The following PWWP2A variants were observed in gnomAD, a reference collection of about 807,000 sequenced individuals.
PWWP2A encodes the protein PWWP domain-containing protein 2A.
Under a neutral mutation model 48.5 loss-of-function variants are expected in PWWP2A, and 18 were observed. The observed-to-expected ratio is 0.37, with a 90% CI of 0.26 to 0.55. PWWP2A has a LOEUF of 0.55. PWWP2A is among the 20% of genes least tolerant of loss of function. The pLI is 0.81. For synonymous variants in PWWP2A, 396 were observed against 387.7 expected (o/e 1.02, Z -0.25); for missense variants, 867 against 976.4 (o/e 0.89, Z 1.49).
chr5:160,118,794 G>C lies in PWWP2A; in HGVS notation c.584+11C>G. The C allele has an allele frequency of 6.9e-7, 1 of 1,439,812 alleles. No individual in the cohort carries two copies. Among genetic ancestry groups the C allele is most frequent in the Non-Finnish European group, 9.2e-7 (1 of 1,092,238 alleles). 89.2% of individuals were successfully genotyped at this position (1,439,812 alleles called of 1,614,324 possible). A position where few individuals can be genotyped will look rare whatever the true frequency, so the allele number is the denominator to read the frequency against. On this transcript the variant is annotated intron_variant, in intron 1 of 1. Transcript: ENST00000307063. The stretch of plus-strand genomic sequence containing the variant: ...CAGCGGACCGGAGGGTGCTGGGGGC[G>C]GGCGCGGTACCTTTTGGACAGATCC...
rs1397402030 is a variant in PWWP2A at position 160,092,075 on chromosome 5, T to C, written c.*307A>G. The C allele has an allele frequency of 1.9e-6, 2 of 1,058,906 alleles. No homozygotes were observed. Among genetic ancestry groups the C allele is most frequent in the African/African-American group, 1.7e-5 (1 of 59,314 alleles). The allele number at this position is 1,058,906 out of a possible 1,614,324, so 65.6% of individuals were successfully genotyped here. Reference sequence around the variant, plus strand: ...GTATATATACAGTATTAGGTACAAATGGCAATTAACAGTCCCTACAAAAAT... The same window carrying C: ...GTATATATACAGTATTAGGTACAAACGGCAATTAACAGTCCCTACAAAAAT... On this transcript the variant is annotated 3_prime_UTR_variant, in exon 2 of 2. Transcript: ENST00000307063.
chr5:160,080,826 T>A, intron 2 of PWWP2A: 1 of 1,450,008 alleles, frequency 6.9e-7, no homozygotes, highest in Non-Finnish European at 9.2e-7. Flanking sequence ...TTTTAATCCA[T>A]CCATTTTACC....
At chr5:160,052,809 G>A in the PWWP2A span, among the ~76,000 whole-genome samples, 1 of 151,998 alleles carries the variant, frequency 6.6e-6, no homozygotes, top group African/African-American at 2.4e-5. Flanking sequence ...CAAGGCTTTG[G>A]GTTTTTCTTA....
At chr5:160,109,496 G>A (rs994205362) in intron 1 of PWWP2A, among the ~76,000 whole-genome samples, 3 of 151,912 alleles carry the variant, frequency 2.0e-5, no homozygotes, top group Admixed American at 2.0e-4. Flanking sequence ...CAGAAGCCTG[G>A]GCTGAAGGCT....
At chr5:160,094,170 A>G (rs1363306540) in intron 1 of PWWP2A, 105 bp from the exon 2 acceptor site, 3 of 1,294,800 alleles carry the variant, frequency 2.3e-6, no homozygotes, top group Non-Finnish European at 2.0e-6. Flanking sequence ...ACCTTTCCCG[A>G]AAACTATTTC....
chr5:160,090,550 C>T (rs73311149), downstream of PWWP2A: 2,817 of 983,688 alleles, frequency 2.9e-3, 61 homozygotes, highest in African/African-American at 0.045. Flanking sequence ...AACATGTTTT[C>T]AAAATGTGTG....
Position 160,104,270 on chromosome 5 carries a change from C to T in PWWP2A, c.585-10205G>A, listed in dbSNP as rs575143957. ...CCTGGGCCACACAGGGAGACCCTGC[C>T]TCTACAAAAAATTAGCTGAGTGTAG... On this transcript the variant is annotated intron_variant, in intron 1 of 1. Coordinates refer to ENST00000307063, the MANE Select transcript of PWWP2A (RefSeq NM_001130864.2). Among the ~76,000 whole-genome samples the T allele has an allele frequency of 8.6e-5, 13 of 151,890 alleles. No individual in the cohort carries two copies. The South Asian group carries it at 2.7e-3, about 32-fold the overall frequency.
intron 1 of PWWP2A, among the ~76,000 whole-genome samples, chr5:160,101,656 AT>A (rs55790564): frequency 6.0e-5 from 9 of 149,366 alleles, no homozygotes; most frequent in Non-Finnish European, 3.0e-5. Flanking sequence ...ACATTTTGTT[AT>A]TTTTTTTTTT....
chr5:160,117,421 G>T (rs558056288), intron 1 of PWWP2A, among the ~76,000 whole-genome samples: 1 of 152,380 alleles, frequency 6.6e-6, no homozygotes, highest in African/African-American at 2.4e-5. Flanking sequence ...TTGGGAGGCT[G>T]AGGCGGGTGG....
At chr5:160,055,995 A>G in the PWWP2A span, among the ~76,000 whole-genome samples, 1 of 152,222 alleles carries the variant, frequency 6.6e-6, no homozygotes, top group Non-Finnish European at 1.5e-5. Flanking sequence ...TGCAGGGGAT[A>G]ACAAGCTTCC....
chr5:160,070,017 C>T (rs1753704641), intron 2 of PWWP2A, among the ~76,000 whole-genome samples: 1 of 152,222 alleles, frequency 6.6e-6, no homozygotes, highest in Non-Finnish European at 1.5e-5. Context: ...TTGGTTGGGG[C>T]CTCTGCAGGA....
chr5:160,051,291 C>A, the PWWP2A span: 4 of 825,054 alleles, frequency 4.8e-6, no homozygotes, highest in South Asian at 2.5e-5. Context: ...CGGACTCTAC[C>A]ACAAGGCTAC....
chr5:160,119,185 G>T lies in PWWP2A; in HGVS notation c.204C>A (p.Leu68=), dbSNP rs747676684. The T allele has an allele frequency of 2.0e-6, 3 of 1,481,014 alleles. No homozygotes were observed. Among genetic ancestry groups the T allele is most frequent in the Non-Finnish European group, 1.8e-6 (2 of 1,130,580 alleles). 91.7% of individuals were successfully genotyped at this position (1,481,014 alleles called of 1,614,324 possible). A position where few individuals can be genotyped will look rare whatever the true frequency, so the allele number is the denominator to read the frequency against. The change falls in exon 1 of 2, where the codon CTC becomes CTA. Residue 68 remains leucine, a synonymous_variant. Coordinates refer to ENST00000307063, the MANE Select transcript of PWWP2A (RefSeq NM_001130864.2). ...QSAPQADEPP[L]PPPPPPPGEL... Reference sequence around the variant, plus strand: ...CCCCCGGCGGCGGCGGTGGCGGCGGGAGCGGCGGCTCGTCGGCCTGAGGAG... The same window carrying T: ...CCCCCGGCGGCGGCGGTGGCGGCGGTAGCGGCGGCTCGTCGGCCTGAGGAG...
At chr5:160,094,863 C>T (rs375368825) in intron 1 of PWWP2A, among the ~76,000 whole-genome samples, 1 of 151,468 alleles carries the variant, frequency 6.6e-6, no homozygotes, top group Non-Finnish European at 1.5e-5. Flanking sequence ...CTGGCGAACA[C>T]GGTGAAACCC....
chr5:160,104,137 A>AAAAAAAAAG (rs1337660928), intron 1 of PWWP2A, among the ~76,000 whole-genome samples: 5 of 150,260 alleles, frequency 3.3e-5, no homozygotes, highest in African/African-American at 1.2e-4. Flanking sequence ...AAAAAAAAAA[A>AAAAAAAAAG]AAAGAAATGA....
intron 1 of PWWP2A, among the ~76,000 whole-genome samples, chr5:160,109,782 T>A (rs113581580): frequency 1.1e-4 from 9 of 78,808 alleles, no homozygotes; most frequent in Non-Finnish European, 2.0e-4. Flanking sequence ...AAAATATATA[T>A]ATATATATAT....
intron 1 of PWWP2A, among the ~76,000 whole-genome samples, chr5:160,095,047 CAAAAAAAAAAAAA>C (rs70987998): frequency 2.9e-4 from 9 of 30,882 alleles, no homozygotes; most frequent in East Asian, 2.3e-3. Flanking sequence ...GACTCTGTCT[CAAAAAAAAAAAAA>C]AAAAAAAAAA....
chr5:160,088,545 C>T (rs1754823773), downstream of PWWP2A, among the ~76,000 whole-genome samples: 1 of 152,118 alleles, frequency 6.6e-6, no homozygotes, highest in South Asian at 2.1e-4. Context: ...CTACCGTGCC[C>T]AGCCATATCC....
the PWWP2A span, among the ~76,000 whole-genome samples, chr5:160,050,047 T>A: frequency 6.6e-6 from 1 of 152,140 alleles, no homozygotes; most frequent in Non-Finnish European, 1.5e-5. Context: ...CACTGCAGCC[T>A]GGGCAACAGA....
Sources: gnomAD v4.1 joint callset for allele counts (sites outside exome capture counted in the v4.1 genomes callset) on GRCh38, gnomAD v4.1.1 for gene constraint, MANE v1.5 for transcripts, NCBI Gene and HGNC (gene_info 2026-07-23, HGNC 2026-07-21) for gene names.